The following DRC11 variants were observed in gnomAD, a reference collection of about 807,000 sequenced individuals.
DRC11 encodes the protein dynein regulatory complex subunit 11.
the DRC11 span, among the ~76,000 whole-genome samples, chr2:236,383,723 T>G: frequency 6.6e-6 from 1 of 152,088 alleles, no homozygotes; most frequent in African/African-American, 2.4e-5. Flanking sequence ...TGCAGGTTAG[T>G]TACATATGTA....
At chr2:236,384,776 G>T in the DRC11 span, among the ~76,000 whole-genome samples, 2 of 151,522 alleles carry the variant, frequency 1.3e-5, no homozygotes, top group Non-Finnish European at 2.9e-5. Flanking sequence ...TTTTCTTCTA[G>T]GGTTTTTATG....
chr2:236,414,350 C>T, the DRC11 span, among the ~76,000 whole-genome samples: 4 of 152,150 alleles, frequency 2.6e-5, no homozygotes, highest in Non-Finnish European at 5.9e-5. Context: ...CTCAAAGCTT[C>T]ATAGTTTTAT....
chr2:236,404,951 G>A, the DRC11 span, among the ~76,000 whole-genome samples: 5 of 152,118 alleles, frequency 3.3e-5, no homozygotes, highest in Admixed American at 6.5e-5. Flanking sequence ...TCTTCACTCC[G>A]CGGAAGGGGC....
At chr2:236,321,111 T>C in the DRC11 span, among the ~76,000 whole-genome samples, 19 of 152,222 alleles carry the variant, frequency 1.2e-4, no homozygotes, top group Non-Finnish European at 2.5e-4. Flanking sequence ...CACAGGTGAT[T>C]TGACCCAGTA....
chr2:236,416,203 T>C, the DRC11 span, among the ~76,000 whole-genome samples: 40 of 152,234 alleles, frequency 2.6e-4, no homozygotes, highest in African/African-American at 8.9e-4. Flanking sequence ...TATCAGCTAA[T>C]CCCAAAGGGA....
At chr2:236,355,169 T>C in the DRC11 span, among the ~76,000 whole-genome samples, 6 of 152,164 alleles carry the variant, frequency 3.9e-5, no homozygotes, top group Non-Finnish European at 5.9e-5. Flanking sequence ...AGAGGCCTCG[T>C]TGGCCGTACA....
chr2:236,406,008 G>C, the DRC11 span, among the ~76,000 whole-genome samples: 2 of 152,176 alleles, frequency 1.3e-5, no homozygotes, highest in African/African-American at 4.8e-5. This position sits in a 1 kb window ranked among gnomAD's most constrained non-coding sequence, Gnocchi z 4.7. Flanking sequence ...GGGGACTAGT[G>C]CATATTTAAA....
chr2:236,401,608 G>A, the DRC11 span, among the ~76,000 whole-genome samples: 1 of 152,228 alleles, frequency 6.6e-6, no homozygotes, highest in Non-Finnish European at 1.5e-5. This position sits in a 1 kb window ranked among gnomAD's most constrained non-coding sequence, Gnocchi z 4.6. Flanking sequence ...AGCGAACACA[G>A]ACACGGGCTA....
chr2:236,495,032 C>A, the DRC11 span, among the ~76,000 whole-genome samples: 1 of 152,140 alleles, frequency 6.6e-6, no homozygotes, highest in Non-Finnish European at 1.5e-5. The surrounding 1 kb of genome is among the most constrained non-coding windows in gnomAD (Gnocchi z 5.6). Flanking sequence ...TCCATCTGGT[C>A]CATTTGGTAC....
chr2:236,371,062 T>C, the DRC11 span, among the ~76,000 whole-genome samples: 1 of 152,134 alleles, frequency 6.6e-6, no homozygotes, highest in Admixed American at 6.5e-5. This position sits in a 1 kb window ranked among gnomAD's most constrained non-coding sequence, Gnocchi z 5.1. Flanking sequence ...GCTGGATCTG[T>C]GCAGAGCATT....
At chr2:236,393,993 AGTT>A in the DRC11 span, among the ~76,000 whole-genome samples, 1 of 152,146 alleles carries the variant, frequency 6.6e-6, no homozygotes, top group Admixed American at 6.5e-5. The surrounding 1 kb of genome is among the most constrained non-coding windows in gnomAD (Gnocchi z 4.7). Flanking sequence ...AAATATATAA[AGTT>A]GTATGAATAA....
At chr2:236,415,059 G>C in the DRC11 span, among the ~76,000 whole-genome samples, 1 of 152,088 alleles carries the variant, frequency 6.6e-6, no homozygotes, top group South Asian at 2.1e-4. The surrounding 1 kb of genome is among the most constrained non-coding windows in gnomAD (Gnocchi z 5.7). Context: ...TCATGGACAT[G>C]TAAAGCTTTT....
chr2:236,327,420 T>C, the DRC11 span, among the ~76,000 whole-genome samples: 30 of 151,854 alleles, frequency 2.0e-4, no homozygotes, highest in African/African-American at 6.8e-4. Context: ...AATTTTTGTA[T>C]TTTTAGTAGA....
At chr2:236,454,304 A>G in the DRC11 span, among the ~76,000 whole-genome samples, 1 of 152,206 alleles carries the variant, frequency 6.6e-6, no homozygotes, top group African/African-American at 2.4e-5. This position sits in a 1 kb window ranked among gnomAD's most constrained non-coding sequence, Gnocchi z 5.3. Context: ...GACGACCGAC[A>G]TCAAAACCTG....
chr2:236,476,457 T>A, the DRC11 span, among the ~76,000 whole-genome samples: 2 of 152,216 alleles, frequency 1.3e-5, no homozygotes, highest in African/African-American at 4.8e-5. The surrounding 1 kb of genome is among the most constrained non-coding windows in gnomAD (Gnocchi z 4.7). Flanking sequence ...TCTCACAGTT[T>A]TTTTATGGAA....
the DRC11 span, among the ~76,000 whole-genome samples, chr2:236,486,076 T>A: frequency 6.6e-6 from 1 of 152,256 alleles, no homozygotes; most frequent in Admixed American, 6.5e-5. This position sits in a 1 kb window ranked among gnomAD's most constrained non-coding sequence, Gnocchi z 5.7. Flanking sequence ...AGCCCCCCTC[T>A]CCCTGCTGGC....
chr2:236,426,525 A>G, the DRC11 span, among the ~76,000 whole-genome samples: 1 of 150,254 alleles, frequency 6.7e-6, no homozygotes, highest in Non-Finnish European at 1.5e-5. The surrounding 1 kb of genome is among the most constrained non-coding windows in gnomAD (Gnocchi z 4.1). Context: ...GTCAGTTCTA[A>G]TAGTATTTTT....
At chr2:236,382,122 A>G in the DRC11 span, among the ~76,000 whole-genome samples, 1 of 152,172 alleles carries the variant, frequency 6.6e-6, no homozygotes, top group East Asian at 1.9e-4. Flanking sequence ...ATTTTTATAT[A>G]ATGTGTGAGA....
chr2:236,459,538 T>TATATGTGTATACATACGTATAG, the DRC11 span, among the ~76,000 whole-genome samples: 1 of 130,212 alleles, frequency 7.7e-6, no homozygotes, highest in African/African-American at 3.1e-5. Flanking sequence ...TGTATACGTA[T>TATATGTGTATACATACGTATAG]ACGTATACGT....
Sources: allele counts gnomAD v4.1 joint callset (sites outside exome capture counted in the v4.1 genomes callset), GRCh38; gene constraint gnomAD v4.1.1; non-coding constraint Gnocchi (gnomAD v3.1); transcripts MANE v1.5; gene names NCBI Gene and HGNC (gene_info 2026-07-23, HGNC 2026-07-21).